NPAS3: variants seen among roughly 807,000 people sequenced by gnomAD.
NPAS3 encodes the protein neuronal PAS domain-containing protein 3.
A neutral mutation model predicts 73.1 loss-of-function variants in NPAS3; 14 were observed. The observed-to-expected ratio is 0.19, with a 90% CI of 0.13 to 0.30. NPAS3 has a LOEUF of 0.30. NPAS3 is among the 10% of genes least tolerant of loss of function. The pLI is 1.00. For synonymous variants in NPAS3, 620 were observed against 541.5 expected (o/e 1.14, Z -2.01); for missense variants, 1,096 against 1,250.0 (o/e 0.88, Z 1.86).
intron 2 of NPAS3, among the ~76,000 whole-genome samples, chr14:33,070,860 A>G (rs1363041005): frequency 2.6e-5 from 4 of 152,216 alleles, no homozygotes; most frequent in African/African-American, 7.2e-5. Flanking sequence ...CATAGGTATA[A>G]ATATGTTAAA....
At chr14:33,703,097 A>G (rs2140458033) in intron 6 of NPAS3, among the ~76,000 whole-genome samples, 1 of 152,092 alleles carries the variant, frequency 6.6e-6, no homozygotes, top group Non-Finnish European at 1.5e-5. Flanking sequence ...GGGGTGGGGG[A>G]AGAGGATTGG....
intron 5 of NPAS3, among the ~76,000 whole-genome samples, chr14:33,648,047 C>T (rs1022993068): frequency 6.6e-6 from 1 of 152,154 alleles, no homozygotes. Flanking sequence ...CCTTTCTTCT[C>T]TCTCACCCCT....
chr14:33,112,791 TG>T (rs775114381), intron 2 of NPAS3, among the ~76,000 whole-genome samples: 123 of 152,362 alleles, frequency 8.1e-4, no homozygotes, highest in Admixed American at 2.9e-3. Flanking sequence ...AGGGTTTTTA[TG>T]GTTTTAGGGC....
intron 2 of NPAS3, among the ~76,000 whole-genome samples, chr14:33,192,294 T>C (rs2046198551): frequency 6.6e-6 from 1 of 152,230 alleles, no homozygotes; most frequent in Admixed American, 6.5e-5. Context: ...CAATTACATC[T>C]TTTTTTCTTT....
At chr14:33,676,373 A>G (rs766968286) in exon 6 of NPAS3, 3 of 1,570,560 alleles carry the variant, frequency 1.9e-6, no homozygotes, top group African/African-American at 2.8e-5. Flanking sequence ...TCAGTCGGAG[A>G]CCCCCGAGCC....
intron 5 of NPAS3, among the ~76,000 whole-genome samples, chr14:33,640,851 T>C (rs765090232): frequency 3.3e-5 from 5 of 152,228 alleles, no homozygotes; most frequent in African/African-American, 4.8e-5. Context: ...AGATGTAAAA[T>C]AGTATTTGTT....
At chr14:33,132,038 G>A (rs529805231) in intron 2 of NPAS3, among the ~76,000 whole-genome samples, 1 of 152,064 alleles carries the variant, frequency 6.6e-6, no homozygotes, top group Non-Finnish European at 1.5e-5. Flanking sequence ...AGAGAAGAAA[G>A]AGCCATTATT....
intron 3 of NPAS3, among the ~76,000 whole-genome samples, chr14:33,348,202 C>G (rs188100105): frequency 3.9e-5 from 6 of 152,266 alleles, no homozygotes; most frequent in Non-Finnish European, 7.4e-5. Context: ...TGCTAAATAG[C>G]AAAATCATGA....
In NPAS3 at chr14:33,778,391, C is replaced by G. The variant is rs927172585; in HGVS notation, c.1047-75C>G. On this transcript the variant is annotated intron_variant, in intron 8 of 11. Coordinates refer to ENST00000356141, the Ensembl canonical transcript of NPAS3. ...AGTATAATGAAATGTGTCAGTAGAA[C>G]TGTTTCTAAGTTATTTGACAGTTTC... 2.3e-5 allele frequency: 25 copies of G among 1,077,328 alleles called. No homozygotes were observed. In the African/African-American group the frequency reaches 3.7e-4, roughly 16 times the overall value. The allele number at this position is 1,077,328 out of a possible 1,614,324, so 66.7% of individuals were successfully genotyped here. A position where few individuals can be genotyped will look rare whatever the true frequency, so the allele number is the denominator to read the frequency against.
At chr14:33,593,829 C>G (rs552357031) in intron 5 of NPAS3, among the ~76,000 whole-genome samples, 3 of 152,166 alleles carry the variant, frequency 2.0e-5, no homozygotes, top group Admixed American at 6.5e-5. Flanking sequence ...GAATAGTAGG[C>G]AATGTGAGTG....
chr14:33,121,224 A>G (rs981508101), intron 2 of NPAS3, among the ~76,000 whole-genome samples: 10 of 152,090 alleles, frequency 6.6e-5, no homozygotes, highest in African/African-American at 2.4e-4. Flanking sequence ...TTGCGATGCT[A>G]CTTCCTCTTC....
intron 2 of NPAS3, among the ~76,000 whole-genome samples, chr14:33,204,867 C>T (rs2046765216): frequency 6.6e-6 from 1 of 152,000 alleles, no homozygotes; most frequent in South Asian, 2.1e-4. Flanking sequence ...CTTCTCAGGC[C>T]CTACTATTGC....
chr14:32,971,995 G>T (rs1476161684), intron 1 of NPAS3, among the ~76,000 whole-genome samples: 1 of 143,092 alleles, frequency 7.0e-6, no homozygotes, highest in Non-Finnish European at 1.5e-5. Context: ...CAGGAGTGCA[G>T]TGGCGCAATC....
At chr14:33,156,555 A>C (rs1302574653) in intron 2 of NPAS3, among the ~76,000 whole-genome samples, 1 of 152,198 alleles carries the variant, frequency 6.6e-6, no homozygotes, top group Non-Finnish European at 1.5e-5. Context: ...TAAATCATTT[A>C]ACATTTTAAA....
chr14:32,943,836 A>G (rs904408653), intron 1 of NPAS3, among the ~76,000 whole-genome samples: 8 of 151,952 alleles, frequency 5.3e-5, no homozygotes, highest in Non-Finnish European at 1.2e-4. Flanking sequence ...CTACAGGCAC[A>G]TGCCAATACG....
chr14:33,093,229 G>A (rs558148400), intron 2 of NPAS3, among the ~76,000 whole-genome samples: 2 of 152,198 alleles, frequency 1.3e-5, no homozygotes, highest in African/African-American at 4.8e-5. Flanking sequence ...ATCTGACAAA[G>A]GGCTAATATC....
Position 33,524,688 on chromosome 14 carries a change from G to A in NPAS3, c.469-35433G>A, listed in dbSNP as rs57604155. 6.0e-3 allele frequency among the ~76,000 whole-genome samples: 913 copies of A among 152,280 alleles called. 9 individuals are homozygous for A. Among genetic ancestry groups the A allele is most frequent in the African/African-American group, 0.021 (860 of 41,568 alleles). On this transcript the variant is annotated intron_variant, in intron 4 of 11. Coordinates refer to ENST00000356141, the Ensembl canonical transcript of NPAS3. ...CAGAAATGTGTTGTCTCAGAATTCT[G>A]TAGGCTAGAAGTGTGAGATTAAGGT...
chr14:33,701,363 T>C (rs1201888755), intron 6 of NPAS3, among the ~76,000 whole-genome samples: 3 of 152,222 alleles, frequency 2.0e-5, no homozygotes, highest in African/African-American at 4.8e-5. Context: ...TATTAAAGCA[T>C]AGATTGTTAA....
chr14:33,520,809 G>A (rs565669644), intron 4 of NPAS3, among the ~76,000 whole-genome samples: 4 of 152,288 alleles, frequency 2.6e-5, no homozygotes, highest in Admixed American at 2.6e-4. Context: ...CAGCTGTTGA[G>A]TGGGAGGCAA....
Sources: allele counts gnomAD v4.1 joint callset (sites outside exome capture counted in the v4.1 genomes callset), GRCh38; gene constraint gnomAD v4.1.1; transcripts MANE v1.5; gene names NCBI Gene and HGNC (gene_info 2026-07-23, HGNC 2026-07-21).